Variants in MTURN observed in about 807,000 individuals in gnomAD.
The protein encoded by MTURN is maturin, neural progenitor differentiation regulator homolog.
In MTURN, 7 loss-of-function variants were observed where a neutral mutation model predicts 14.9. That is an observed-to-expected ratio of 0.47 (90% CI 0.27 to 0.88). The LOEUF is 0.88. Among genes scored for constraint, MTURN ranks in the 40% least tolerant of loss-of-function variants. The pLI, the probability that MTURN is intolerant of heterozygous loss-of-function variation, is 0.14. For missense variants in MTURN, 151 were observed against 174.1 expected, an observed-to-expected ratio of 0.87 and a Z score of 0.75; for synonymous variants, 69 against 72.5, an observed-to-expected ratio of 0.95 and a Z score of 0.25.
Position 30,158,163 on chromosome 7 carries a change from C to T in MTURN, c.*615C>T, listed in dbSNP as rs551132097. ...ATTACTGAGTTACCTGGGTATGTAG[C>T]GACTGGTTCGTGGTTAGGTGTAAAT... On this transcript the variant is annotated 3_prime_UTR_variant, in exon 3 of 3. Coordinates refer to ENST00000324453, the MANE Select transcript of MTURN (RefSeq NM_152793.3). 3.3e-5 allele frequency: 5 copies of T among 152,322 alleles called. No homozygotes were observed. The East Asian group carries it at 5.8e-4, about 18-fold the overall frequency. 9.4% of individuals were successfully genotyped at this position (152,322 alleles called of 1,614,324 possible).
chr7:30,135,320 C>T, intron 1 of MTURN, 22 bp downstream of exon 1: 3 of 1,500,796 alleles, frequency 2.0e-6, no homozygotes, highest in South Asian at 1.2e-5. Context: ...GAGGAGGGAC[C>T]GCCGGAGCCG....
chr7:30,155,398 A>G (rs1207606802), intron 2 of MTURN, among the ~76,000 whole-genome samples: 2 of 152,226 alleles, frequency 1.3e-5, no homozygotes, highest in Non-Finnish European at 2.9e-5. Flanking sequence ...GCAGCTCTCC[A>G]AATAAAAAAT....
At chr7:30,137,694 G>C (rs1441588313) in intron 1 of MTURN, 1 of 470,948 alleles carries the variant, frequency 2.1e-6, no homozygotes, top group Non-Finnish European at 4.4e-6. Context: ...TCCCAGGCCA[G>C]GTTTGTCAAG....
chr7:30,137,552 T>G (rs1369554977), intron 1 of MTURN: 12 of 467,198 alleles, frequency 2.6e-5, no homozygotes, highest in Non-Finnish European at 4.9e-5. Context: ...TTAAATAGAA[T>G]AGATAGAAAG....
intron 2 of MTURN, 37 bp downstream of exon 2, chr7:30,146,336 T>A (rs1254366450): frequency 1.2e-6 from 2 of 1,611,250 alleles, no homozygotes; most frequent in East Asian, 2.2e-5. Context: ...CAGCTTGTTT[T>A]CTATGGTGAT....
At chr7:30,144,971 T>C (rs1434837336) in intron 1 of MTURN, among the ~76,000 whole-genome samples, 5 of 133,894 alleles carry the variant, frequency 3.7e-5, no homozygotes, top group Non-Finnish European at 7.7e-5. Flanking sequence ...TTAGCCATCC[T>C]GGATCCGTCC....
intron 2 of MTURN, among the ~76,000 whole-genome samples, chr7:30,153,111 T>C (rs957868): frequency 0.75 from 113,948 of 152,116 alleles, 42,909 homozygotes; most frequent in East Asian, 0.93. Flanking sequence ...CCCACCTTTT[T>C]GGTATGAGAA....
At chr7:30,141,277 T>A (rs1273193310) in intron 1 of MTURN, 2 of 151,722 alleles carry the variant, frequency 1.3e-5, no homozygotes, top group East Asian at 3.9e-4. Context: ...TAGCTGGGCG[T>A]GGTGGTGGGC....
intron 2 of MTURN, among the ~76,000 whole-genome samples, chr7:30,146,718 C>T (rs1191289798): frequency 1.3e-5 from 2 of 152,156 alleles, no homozygotes; most frequent in Non-Finnish European, 2.9e-5. Context: ...AATACCTCCA[C>T]GTTTGTGGGT....
intron 2 of MTURN, among the ~76,000 whole-genome samples, chr7:30,147,422 G>A (rs1049386895): frequency 2.6e-5 from 4 of 152,312 alleles, no homozygotes; most frequent in African/African-American, 9.6e-5. Flanking sequence ...GGCTCCCGGG[G>A]GTGAGAAGGC....
intron 1 of MTURN, among the ~76,000 whole-genome samples, chr7:30,136,792 C>CA (rs897290691): frequency 7.4e-4 from 113 of 152,002 alleles, no homozygotes; most frequent in Non-Finnish European, 1.2e-3. Flanking sequence ...TTTCCACATC[C>CA]AAAAAAATAG....
chr7:30,155,697 A>C (rs1313354892), intron 2 of MTURN, among the ~76,000 whole-genome samples: 1 of 152,244 alleles, frequency 6.6e-6, no homozygotes, highest in African/African-American at 2.4e-5. Context: ...ACGCCTTGGC[A>C]AGCCACAGGC....
intron 1 of MTURN, 116 bp downstream of exon 1, chr7:30,135,414 A>C (rs1583499570): frequency 3.4e-6 from 3 of 884,338 alleles, no homozygotes. Context: ...GGGGGCCGTA[A>C]CCCGCGCCCC....
At chr7:30,152,622 C>T (rs1311290264) in intron 2 of MTURN, among the ~76,000 whole-genome samples, 1 of 152,210 alleles carries the variant, frequency 6.6e-6, no homozygotes, top group Non-Finnish European at 1.5e-5. Flanking sequence ...AGGGCACTTG[C>T]TCGATGCACA....
intron 2 of MTURN, among the ~76,000 whole-genome samples, chr7:30,151,053 A>G (rs1265410923): frequency 6.6e-6 from 1 of 152,246 alleles, no homozygotes; most frequent in Non-Finnish European, 1.5e-5. Context: ...GGAAATGTTT[A>G]TTGGATGGGT....
intron 2 of MTURN, among the ~76,000 whole-genome samples, chr7:30,149,665 A>G (rs541148729): frequency 1.3e-5 from 2 of 152,208 alleles, no homozygotes; most frequent in African/African-American, 2.4e-5. Flanking sequence ...TTTGTTACAG[A>G]TAAGACATAG....
intron 1 of MTURN, among the ~76,000 whole-genome samples, chr7:30,136,335 C>G (rs368126945): frequency 1.3e-5 from 2 of 152,074 alleles, no homozygotes; most frequent in Non-Finnish European, 2.9e-5. Context: ...AGGGCGAGCA[C>G]GGTGCTCATG....
intron 1 of MTURN, among the ~76,000 whole-genome samples, chr7:30,141,834 T>C (rs1017461750): frequency 4.6e-5 from 7 of 152,152 alleles, no homozygotes; most frequent in Non-Finnish European, 1.0e-4. Flanking sequence ...GGGATCCATT[T>C]TGGATTAAGA....
At chr7:30,155,332 A>C (rs899830284) in intron 2 of MTURN, among the ~76,000 whole-genome samples, 14 of 152,140 alleles carry the variant, frequency 9.2e-5, no homozygotes, top group African/African-American at 3.1e-4. Flanking sequence ...TTTATATTTT[A>C]CCAGCTATTT....
Sources: allele counts gnomAD v4.1 joint callset (sites outside exome capture counted in the v4.1 genomes callset), GRCh38; gene constraint gnomAD v4.1.1; transcripts MANE v1.5; gene names NCBI Gene and HGNC (gene_info 2026-07-23, HGNC 2026-07-21).